Variants in TMEM132D observed in about 807,000 individuals in gnomAD.
The protein encoded by TMEM132D is mature OL transmembrane protein.
A neutral mutation model predicts 62.3 loss-of-function variants in TMEM132D; 21 were observed. The ratio of observed to expected loss-of-function variants is 0.34; its 90% CI spans 0.24 to 0.49. TMEM132D has a LOEUF of 0.49. Ranked by LOEUF, TMEM132D falls within the 20% of genes least tolerant of loss-of-function variation. The probability of loss-of-function intolerance (pLI) is 0.99; values close to 1 mark genes in which losing one functional copy is unlikely to be tolerated. For synonymous variants in TMEM132D, 621 were observed against 575.6 expected, an observed-to-expected ratio of 1.08 and a Z score of -1.13; for missense variants, 1,346 against 1,402.8, an observed-to-expected ratio of 0.96 and a Z score of 0.65.
rs188646471 is a variant in TMEM132D, at chr12:129,228,645, G to A, written c.1300-18982C>T. Among the ~76,000 whole-genome samples, 9 of 152,230 alleles carry A rather than the reference G, an allele frequency of 5.9e-5. No individual in the cohort carries two copies. In the East Asian group the frequency reaches 9.7e-4, roughly 16 times the overall value. On this transcript the variant is annotated intron_variant, in intron 4 of 8. Transcript: ENST00000422113. ...GTCTTTTGAGACTGGCTGCTTTCACGTACTGTGATGCCATCATGGTTCATC... is the reference window on the plus strand; with the variant it reads ...GTCTTTTGAGACTGGCTGCTTTCACATACTGTGATGCCATCATGGTTCATC...
At chr12:129,876,825 A>C (rs1460602601) in intron 1 of TMEM132D, among the ~76,000 whole-genome samples, 2 of 152,182 alleles carry the variant, frequency 1.3e-5, no homozygotes, top group Non-Finnish European at 2.9e-5. Context: ...TACTGGAATT[A>C]GGTCAGGTAT....
rs191387364 is a variant in TMEM132D, at chr12:129,518,207, C to A, written c.1115+12852G>T. On this transcript the variant is annotated intron_variant, in intron 3 of 8. Transcript: ENST00000422113. ...TTTTTCTGTTGTGAGTTTATAAGAA[C>A]AATAGAAGAATCAAAACCCCTGCAT... is the stretch of plus-strand genomic sequence containing the variant. Among the ~76,000 whole-genome samples the A allele has an allele frequency of 4.6e-5, 7 of 152,136 alleles. No homozygotes were observed. The East Asian group carries it at 1.4e-3, about 29-fold the overall frequency.
At chr12:129,752,399 A>T (rs1870028628) in intron 1 of TMEM132D, among the ~76,000 whole-genome samples, 1 of 152,210 alleles carries the variant, frequency 6.6e-6, no homozygotes, top group Non-Finnish European at 1.5e-5. Flanking sequence ...TTTTGTCAAC[A>T]TCTCTATGCA....
chr12:129,811,261 TTAGTGAGTGTCAGGGATGGGG>T (rs1238768252), intron 1 of TMEM132D, among the ~76,000 whole-genome samples: 2 of 151,590 alleles, frequency 1.3e-5, no homozygotes, highest in African/African-American at 4.8e-5. Flanking sequence ...TGCCCAACAC[TTAGTGAGTGTCAGGGATGGGG>T]TGGGGTGGGC....
chr12:129,277,368 C>T lies in TMEM132D; in HGVS notation c.1299+60266G>A, dbSNP rs1881031937. ...GTTTGATATGAAAAAGTTGTATTCA[C>T]ACAGAGATCTACTCTTACTGCCACA... On this transcript the variant is annotated intron_variant, in intron 4 of 8. Coordinates refer to ENST00000422113, the MANE Select transcript of TMEM132D (RefSeq NM_133448.3). This position sits in a 1 kb window ranked among gnomAD's most constrained non-coding sequence, Gnocchi z 4.2. 6.6e-6 allele frequency among the ~76,000 whole-genome samples: 1 copy of T among 151,934 alleles called. No homozygotes were observed. The highest frequency in any genetic ancestry group is 6.6e-5 in the Admixed American group (1 of 15,252).
intron 2 of TMEM132D, among the ~76,000 whole-genome samples, chr12:129,587,407 G>A (rs1437862596): frequency 6.6e-6 from 1 of 152,210 alleles, no homozygotes; most frequent in Admixed American, 6.5e-5. Context: ...AAGGTGGGAA[G>A]AGGGAGAGGA....
At chr12:129,829,962 A>T (rs1872778767) in intron 1 of TMEM132D, among the ~76,000 whole-genome samples, 1 of 152,128 alleles carries the variant, frequency 6.6e-6, no homozygotes, top group African/African-American at 2.4e-5. Flanking sequence ...CTTTCAGGTT[A>T]TATTTCATTA....
chr12:129,236,534 A>G lies in TMEM132D; in HGVS notation c.1300-26871T>C, dbSNP rs541492176. Among the ~76,000 whole-genome samples the G allele has an allele frequency of 2.4e-3, 339 of 143,724 alleles. 2 individuals carry two copies. Among genetic ancestry groups the G allele is most frequent in the African/African-American group, 8.3e-3 (321 of 38,476 alleles). 94.3% of individuals were successfully genotyped at this position (143,724 alleles called of 152,430 possible). ...CATCTCAAAAAAAAAAAAAAAAAGA[A>G]AAAAAAAAGAAAAGAAATGAAACTG... is the stretch of plus-strand genomic sequence containing the variant. On this transcript the variant is annotated intron_variant, in intron 4 of 8. Transcript: ENST00000422113.
chr12:129,817,734 A>G (rs1010769001), intron 1 of TMEM132D, among the ~76,000 whole-genome samples: 9 of 105,824 alleles, frequency 8.5e-5, no homozygotes, highest in Non-Finnish European at 1.4e-4. Flanking sequence ...TGTGTGGTGT[A>G]AGGTGTGTGT....
At chr12:129,605,313 C>T (rs1224262662) in intron 2 of TMEM132D, among the ~76,000 whole-genome samples, 4 of 152,124 alleles carry the variant, frequency 2.6e-5, no homozygotes, top group Admixed American at 6.5e-5. Context: ...TCATTACTGA[C>T]TCATGTCTAA....
chr12:129,466,279 CTTTTT>C lies in TMEM132D; in HGVS notation c.1115+64775_1115+64779del, dbSNP rs551019541. 3.6e-3 allele frequency among the ~76,000 whole-genome samples: 366 copies of C among 100,360 alleles called. 12 individuals are homozygous for C. Among genetic ancestry groups the C allele is most frequent in the African/African-American group, 0.013 (347 of 26,226 alleles). The allele number at this position is 100,360 out of a possible 152,430, so 65.8% of individuals were successfully genotyped here. On this transcript the variant is annotated intron_variant, in intron 3 of 8. Transcript: ENST00000422113. ...TATAACAGTGGCTGGTAGATTTTTCCTTTTTTTTTTTTTTTTTTTTTTTTTTTTTT... is the reference window on the plus strand; with the variant it reads ...TATAACAGTGGCTGGTAGATTTTTCCTTTTTTTTTTTTTTTTTTTTTTTTT...
At chr12:129,088,274 C>T (rs1452954481) in intron 5 of TMEM132D, among the ~76,000 whole-genome samples, 1 of 35,786 alleles carries the variant, frequency 2.8e-5, no homozygotes, top group Non-Finnish European at 4.7e-5. Flanking sequence ...CCTCCCTGAC[C>T]GGGGTGTCCT....
intron 3 of TMEM132D, among the ~76,000 whole-genome samples, chr12:129,356,302 G>C (rs1159859983): frequency 1.4e-5 from 1 of 69,444 alleles, no homozygotes; most frequent in Admixed American, 1.4e-4. Context: ...GACTACAGGC[G>C]CCCGCCACTA....
chr12:129,300,081 A>G (rs1480398027), intron 4 of TMEM132D, among the ~76,000 whole-genome samples: 2 of 152,220 alleles, frequency 1.3e-5, no homozygotes, highest in Non-Finnish European at 2.9e-5. Context: ...TTTGGGCACA[A>G]AGGAGATTCT....
chr12:129,454,920 C>G (rs994427064), intron 3 of TMEM132D, among the ~76,000 whole-genome samples: 10 of 152,126 alleles, frequency 6.6e-5, no homozygotes, highest in Non-Finnish European at 1.2e-4. Context: ...TAAGGACAAC[C>G]AAATGTAAGT....
chr12:129,757,360 G>A (rs182052453), intron 1 of TMEM132D, among the ~76,000 whole-genome samples: 1 of 152,072 alleles, frequency 6.6e-6, no homozygotes, highest in Non-Finnish European at 1.5e-5. Flanking sequence ...TTGCAGAGGG[G>A]TCATTGCTTA....
At chr12:129,528,706 A>G (rs953589117) in intron 3 of TMEM132D, among the ~76,000 whole-genome samples, 1 of 152,262 alleles carries the variant, frequency 6.6e-6, no homozygotes, top group Non-Finnish European at 1.5e-5. Flanking sequence ...GTATCATAAT[A>G]CATACATACC....
chr12:129,081,787 C>A lies in TMEM132D; in HGVS notation c.1895G>T (p.Gly632Val). The A allele has an allele frequency of 6.2e-7, 1 of 1,612,372 alleles. No homozygotes were observed. The change falls in exon 7 of 9, where the codon GGG becomes GTG. Residue 632 changes from glycine to valine, a missense_variant. Gly to Val is a moderately radical substitution (Grantham distance 109). Coordinates refer to ENST00000422113, the MANE Select transcript of TMEM132D (RefSeq NM_133448.3). ...AATGGTGGTCATCCCAAGCTCCTGC[C>A]CCATCAGGATCTGTCCGCCTTGCAG... ...AKLQGGQILM[G>V]QELGMTTIQI...
chr12:129,824,720 C>T (rs574722746), intron 1 of TMEM132D, among the ~76,000 whole-genome samples: 77 of 152,304 alleles, frequency 5.1e-4, no homozygotes, highest in African/African-American at 1.6e-3. Context: ...GCCTTCAGAC[C>T]ATGAGAAATA....
Sources: allele counts gnomAD v4.1 joint callset (sites outside exome capture counted in the v4.1 genomes callset), GRCh38; gene constraint gnomAD v4.1.1; non-coding constraint Gnocchi (gnomAD v3.1); transcripts MANE v1.5; gene names NCBI Gene and HGNC (gene_info 2026-07-23, HGNC 2026-07-21).